The following PIK3CB variants were observed in gnomAD, a reference collection of about 807,000 sequenced individuals.
The protein encoded by PIK3CB is phosphatidylinositol-4,5-bisphosphate 3-kinase catalytic subunit beta.
In PIK3CB, 39 loss-of-function variants were observed where a neutral mutation model predicts 136.8. The ratio of observed to expected loss-of-function variants is 0.29; its 90% CI spans 0.22 to 0.37. The LOEUF (loss-of-function observed/expected upper bound fraction) is 0.37. Among genes scored for constraint, PIK3CB ranks in the 10% least tolerant of loss-of-function variants. PIK3CB has a pLI of 1.00. For synonymous variants in PIK3CB, 428 were observed against 436.6 expected (o/e 0.98, Z 0.25); for missense variants, 868 against 1,275.4 (o/e 0.68, Z 4.87).
At chr3:138,690,723 C>CA (rs533393475) in intron 15 of PIK3CB, among the ~76,000 whole-genome samples, 3,765 of 84,584 alleles carry the variant, frequency 0.045, 55 homozygotes, top group African/African-American at 0.073. Context: ...AAAACACACA[C>CA]AAAAAAAAAA....
At chr3:138,789,568 C>T (rs544234853) in intron 2 of PIK3CB, among the ~76,000 whole-genome samples, 31 of 152,308 alleles carry the variant, frequency 2.0e-4, no homozygotes, top group African/African-American at 3.6e-4. Flanking sequence ...CAGATTTGTA[C>T]ACCAGTGCTC....
chr3:138,802,483 C>T (rs2046188353), intron 1 of PIK3CB, among the ~76,000 whole-genome samples: 1 of 150,068 alleles, frequency 6.7e-6, no homozygotes, highest in South Asian at 2.1e-4. Context: ...GGGAGGGATT[C>T]TCATCTCTAT....
At chr3:138,795,651 T>C (rs138161893) in intron 2 of PIK3CB, among the ~76,000 whole-genome samples, 3 of 152,096 alleles carry the variant, frequency 2.0e-5, no homozygotes, top group East Asian at 1.9e-4. Context: ...ATAAAAATAA[T>C]TGGGCATTAA....
chr3:138,737,691 T>C lies in PIK3CB; in HGVS notation c.801+16A>G, dbSNP rs1213959018. The C allele has an allele frequency of 2.2e-6, 3 of 1,361,606 alleles. No homozygotes were observed. The highest frequency in any genetic ancestry group is 2.9e-5 in the South Asian group (2 of 70,016). 84.3% of individuals were successfully genotyped at this position (1,361,606 alleles called of 1,614,324 possible). ...CTCATAGACTTTTCTGGTAAATTAA[T>C]AGTTAATATACATACCTGGAACTGA... On this transcript the variant is annotated intron_variant, in intron 6 of 23. Transcript: ENST00000674063.
At chr3:138,664,890 T>C in intron 20 of PIK3CB, 146 bp downstream of exon 20, 2 of 486,408 alleles carry the variant, frequency 4.1e-6, no homozygotes, top group African/African-American at 2.0e-5. Flanking sequence ...CGAAGGGCTA[T>C]GTGTCATTTT....
intron 1 of PIK3CB, among the ~76,000 whole-genome samples, chr3:138,823,165 T>G (rs1933635733): frequency 6.6e-6 from 1 of 151,610 alleles, no homozygotes. Context: ...CACCTGCCCA[T>G]GGTCCCAGCT....
At chr3:138,741,826 TAAA>T (rs754247884) in intron 5 of PIK3CB, among the ~76,000 whole-genome samples, 1 of 129,654 alleles carries the variant, frequency 7.7e-6, no homozygotes, top group Non-Finnish European at 1.7e-5. Flanking sequence ...AGACTCCGTC[TAAA>T]AAAAAAAAAA....
intron 1 of PIK3CB, among the ~76,000 whole-genome samples, chr3:138,812,685 G>A (rs192298644): frequency 1.3e-4 from 20 of 151,778 alleles, no homozygotes; most frequent in African/African-American, 4.6e-4. Context: ...GTGCCACCAC[G>A]CCCAGCTAAT....
At chr3:138,714,398 CAATTATTTCAAACAGTCTTAA>C (rs2044566128) in intron 9 of PIK3CB, 49 bp downstream of exon 9, 1 of 1,031,692 alleles carries the variant, frequency 9.7e-7, no homozygotes, top group African/African-American at 1.6e-5. Context: ...TTATATTACT[CAATTATTTCAAACAGTCTTAA>C]AATTATTCCG....
intron 2 of PIK3CB, among the ~76,000 whole-genome samples, chr3:138,788,983 AAAAAAAAAAC>A (rs2046016899): frequency 6.7e-6 from 1 of 149,700 alleles, no homozygotes; most frequent in African/African-American, 2.5e-5. Flanking sequence ...AAAAAAAAAA[AAAAAAAAAAC>A]AAAAAACAAC....
chr3:138,768,635 G>A (rs976098935), intron 2 of PIK3CB, among the ~76,000 whole-genome samples: 10 of 152,144 alleles, frequency 6.6e-5, no homozygotes, highest in Admixed American at 5.9e-4. Flanking sequence ...TGCTGATCAT[G>A]GCACCCAAGC....
intron 8 of PIK3CB, among the ~76,000 whole-genome samples, chr3:138,716,010 G>A (rs1215790164): frequency 6.6e-6 from 1 of 151,964 alleles, no homozygotes; most frequent in Non-Finnish European, 1.5e-5. Context: ...GGTTCATGGA[G>A]GTTCATTATA....
intron 15 of PIK3CB, among the ~76,000 whole-genome samples, chr3:138,689,342 C>A (rs1577075352): frequency 6.6e-6 from 1 of 152,252 alleles, no homozygotes; most frequent in African/African-American, 2.4e-5. Context: ...CCCTTCCCTC[C>A]CCTCCCCATT....
chr3:138,665,799 G>C (rs1216501150), intron 19 of PIK3CB, among the ~76,000 whole-genome samples: 2 of 152,108 alleles, frequency 1.3e-5, no homozygotes, highest in East Asian at 3.9e-4. Flanking sequence ...TGAACTCCTG[G>C]GTTCAAGTGA....
intron 10 of PIK3CB, among the ~76,000 whole-genome samples, chr3:138,711,965 AAAT>A (rs2044511311): frequency 6.6e-6 from 1 of 151,802 alleles, no homozygotes; most frequent in African/African-American, 2.4e-5. Flanking sequence ...AAAAAATAAT[AAAT>A]AATAAAATAA....
intron 11 of PIK3CB, 136 bp downstream of exon 11, chr3:138,707,023 T>C: frequency 1.4e-6 from 1 of 700,074 alleles, no homozygotes. Context: ...GGCTCCCTGA[T>C]CCATGGTCTT....
intron 13 of PIK3CB, 32 bp from the exon 14 acceptor site, chr3:138,694,939 A>T: frequency 6.3e-7 from 1 of 1,582,330 alleles, no homozygotes; most frequent in Non-Finnish European, 8.6e-7. Context: ...TTCAGAAATA[A>T]TGGGGGACAA....
At chr3:138,832,106 G>T (rs1467603893) in intron 1 of PIK3CB, among the ~76,000 whole-genome samples, 3 of 152,158 alleles carry the variant, frequency 2.0e-5, no homozygotes, top group African/African-American at 7.2e-5. Flanking sequence ...AAAACCTCAA[G>T]AAAGAACATA....
chr3:138,760,554 A>G (rs1025028688), intron 2 of PIK3CB, among the ~76,000 whole-genome samples: 1 of 152,242 alleles, frequency 6.6e-6, no homozygotes, highest in Non-Finnish European at 1.5e-5. Flanking sequence ...CATGAGCGCT[A>G]AAGTTAAATG....
Sources: gnomAD v4.1 joint callset for allele counts (sites outside exome capture counted in the v4.1 genomes callset) on GRCh38, gnomAD v4.1.1 for gene constraint, MANE v1.5 for transcripts, NCBI Gene and HGNC (gene_info 2026-07-23, HGNC 2026-07-21) for gene names.